Variants in COLEC10 observed in about 807,000 individuals in gnomAD.
COLEC10 encodes collectin subfamily member 10, also known as collectin-10.
A neutral mutation model predicts 28.4 loss-of-function variants in COLEC10; 22 were observed. The ratio of observed to expected loss-of-function variants is 0.78; its 90% confidence interval spans 0.55 to 1.11. The LOEUF is 1.11. Among genes scored for constraint, COLEC10 ranks in the 50% least tolerant of loss-of-function variants. COLEC10 has a pLI of 0.00. For synonymous variants in COLEC10, 125 were observed against 116.1 expected (o/e 1.08, Z -0.49); for missense variants, 361 against 344.1 (o/e 1.05, Z -0.39).
chr8:118,999,416 C>A (rs186080722), intron 1 of COLEC10, among the ~76,000 whole-genome samples: 1 of 152,066 alleles, frequency 6.6e-6, no homozygotes, highest in Non-Finnish European at 1.5e-5. Context: ...CATGGTGAAA[C>A]CCCATCTCTA....
chr8:119,030,170 T>G (rs1240753368), intron 2 of COLEC10, among the ~76,000 whole-genome samples: 1 of 152,200 alleles, frequency 6.6e-6, no homozygotes, highest in Non-Finnish European at 1.5e-5. Context: ...GGAAATATCT[T>G]AATTGTGGTC....
intron 1 of COLEC10, among the ~76,000 whole-genome samples, chr8:119,069,488 T>A (rs1395723237): frequency 6.7e-6 from 1 of 149,026 alleles, no homozygotes; most frequent in African/African-American, 2.5e-5. Flanking sequence ...ACACCTGTAG[T>A]CCCAGTTACT....
intron 1 of COLEC10, among the ~76,000 whole-genome samples, chr8:119,069,603 C>T (rs56805630): frequency 0.16 from 964 of 6,088 alleles, 31 homozygotes; most frequent in Middle Eastern, 0.5. Context: ...GAGACCCCAT[C>T]TCAAAAAAAA....
the COLEC10 span, among the ~76,000 whole-genome samples, chr8:118,988,112 C>A: frequency 1.3e-5 from 2 of 152,080 alleles, no homozygotes; most frequent in Admixed American, 1.3e-4. Context: ...CTGGTGGAAC[C>A]ATTAAATGGT....
intron 1 of COLEC10, 56 bp downstream of exon 1, chr8:119,067,485 C>A: frequency 6.7e-7 from 1 of 1,483,806 alleles, no homozygotes; most frequent in African/African-American, 1.4e-5. Flanking sequence ...CTTCCCTCAT[C>A]TCTGAACCCC....
At chr8:119,071,746 C>T (rs1815129894) in intron 1 of COLEC10, among the ~76,000 whole-genome samples, 1 of 152,128 alleles carries the variant, frequency 6.6e-6, no homozygotes, top group Non-Finnish European at 1.5e-5. Flanking sequence ...GTTTTCTAAA[C>T]CTAGAAGAGC....
chr8:118,955,340 T>G, the COLEC10 span, among the ~76,000 whole-genome samples: 1 of 152,224 alleles, frequency 6.6e-6, no homozygotes, highest in Non-Finnish European at 1.5e-5. Flanking sequence ...AAGGTAAAGT[T>G]ATCTAGCTGA....
chr8:119,022,366 C>G (rs1228161691), intron 2 of COLEC10, among the ~76,000 whole-genome samples: 1 of 152,004 alleles, frequency 6.6e-6, no homozygotes, highest in Non-Finnish European at 1.5e-5. Flanking sequence ...CTTGATAAAT[C>G]TGTGATGAAT....
chr8:118,995,971 GCA>G (rs1400442471), intron 1 of COLEC10, among the ~76,000 whole-genome samples: 4 of 152,116 alleles, frequency 2.6e-5, no homozygotes, highest in Non-Finnish European at 5.9e-5. Context: ...GTACAATGTT[GCA>G]CAGACAGTTT....
At chr8:119,031,059 C>A (rs1325343817) in intron 2 of COLEC10, among the ~76,000 whole-genome samples, 1 of 152,108 alleles carries the variant, frequency 6.6e-6, no homozygotes, top group African/African-American at 2.4e-5. Context: ...TATTCCAAAC[C>A]AGATTAAACG....
intron 1 of COLEC10, among the ~76,000 whole-genome samples, chr8:119,076,840 C>T (rs1041914541): frequency 6.6e-6 from 1 of 152,106 alleles, no homozygotes; most frequent in South Asian, 2.1e-4. Flanking sequence ...ACAGGACAAC[C>T]AAAAGAAAGA....
intron 1 of COLEC10, among the ~76,000 whole-genome samples, chr8:119,008,032 A>T (rs931797558): frequency 2.0e-5 from 3 of 150,824 alleles, no homozygotes; most frequent in African/African-American, 7.4e-5. Flanking sequence ...GATTATTTAC[A>T]TTTTACCATT....
At chr8:119,104,288 G>A (rs2130309830) in intron 5 of COLEC10, among the ~76,000 whole-genome samples, 1 of 152,244 alleles carries the variant, frequency 6.6e-6, no homozygotes. Context: ...ACAACTACTA[G>A]CATTATCTCA....
At chr8:118,983,304 ATTTC>A in the COLEC10 span, among the ~76,000 whole-genome samples, 2 of 152,054 alleles carry the variant, frequency 1.3e-5, no homozygotes, top group Non-Finnish European at 2.9e-5. Context: ...TTTTGTTTAT[ATTTC>A]TTTGATTCTT....
intron 1 of COLEC10, among the ~76,000 whole-genome samples, chr8:119,077,990 G>A (rs1815287667): frequency 6.6e-6 from 1 of 152,094 alleles, no homozygotes; most frequent in Non-Finnish European, 1.5e-5. Context: ...CATGGCAGAA[G>A]AGCAAAAGAA....
chr8:118,980,330 T>A, the COLEC10 span, among the ~76,000 whole-genome samples: 8 of 151,714 alleles, frequency 5.3e-5, 1 homozygote, highest in Non-Finnish European at 1.2e-4. Flanking sequence ...GTAGCGGGAA[T>A]TACAGGCGAA....
the COLEC10 span, chr8:118,976,413 A>G: frequency 6.6e-6 from 1 of 152,078 alleles, no homozygotes; most frequent in African/African-American, 2.4e-5. Context: ...CTTGTTTTAA[A>G]TAAATGCAAG....
chr8:119,107,608 A>C lies in COLEC10; in HGVS notation c.*1417A>C, dbSNP rs2130317721. 6.6e-6 allele frequency among the ~76,000 whole-genome samples: 1 copy of C among 152,268 alleles called. No homozygotes were observed. Among genetic ancestry groups the C allele is most frequent in the Middle Eastern group, 3.4e-3 (1 of 294 alleles). On this transcript the variant is annotated 3_prime_UTR_variant, in exon 6 of 6. Transcript: ENST00000332843. Reference sequence around the variant, plus strand: ...CTAACTGGTTATGAGATAGGACTTAATTAGGTTATTTCTGTGGGTTCAACA... The same window carrying C: ...CTAACTGGTTATGAGATAGGACTTACTTAGGTTATTTCTGTGGGTTCAACA...
At chr8:118,998,110 A>G (rs960887792) in intron 1 of COLEC10, among the ~76,000 whole-genome samples, 17 of 152,202 alleles carry the variant, frequency 1.1e-4, no homozygotes, top group African/African-American at 4.1e-4. Context: ...TTTCATCTAT[A>G]AAATAAAAAT....
Sources: gnomAD v4.1 joint callset for allele counts (sites outside exome capture counted in the v4.1 genomes callset) on GRCh38, gnomAD v4.1.1 for gene constraint, MANE v1.5 for transcripts, NCBI Gene and HGNC (gene_info 2026-07-23, HGNC 2026-07-21) for gene names.